Variants in SLC44A1 observed in about 807,000 individuals in gnomAD.
SLC44A1 encodes the protein solute carrier family 44 member 1.
A neutral mutation model predicts 79.3 loss-of-function variants in SLC44A1; 26 were observed. That is an observed-to-expected ratio of 0.33 (90% CI 0.24 to 0.46). The LOEUF (loss-of-function observed/expected upper bound fraction) is 0.46, where lower values mean the gene tolerates loss of function less well. Ranked by LOEUF, SLC44A1 falls within the 20% of genes least tolerant of loss-of-function variation. The pLI is 1.00. For missense variants in SLC44A1, 688 were observed against 798.1 expected (o/e 0.86, Z 1.66); for synonymous variants, 263 against 286.2 (o/e 0.92, Z 0.82).
At chr9:105,364,904 G>A (rs773927594) in intron 10 of SLC44A1, among the ~76,000 whole-genome samples, 184 bp downstream of exon 10, 3 of 152,116 alleles carry the variant, frequency 2.0e-5, no homozygotes, top group Admixed American at 6.5e-5. Context: ...ATGAGAGATT[G>A]TTGTTTTATT....
chr9:105,348,931 A>G (rs1167596172), intron 5 of SLC44A1, among the ~76,000 whole-genome samples: 1 of 152,132 alleles, frequency 6.6e-6, no homozygotes, highest in African/African-American at 2.4e-5. Context: ...CATTCTCTGT[A>G]TTAGGTTGTT....
In SLC44A1 at chr9:105,392,173, G is replaced by A; in HGVS notation, c.*3117G>A. On this transcript the variant is annotated 3_prime_UTR_variant, in exon 16 of 16. Coordinates refer to ENST00000374720, the MANE Select transcript of SLC44A1 (RefSeq NM_080546.5). ...CTTGCATGGATGAGCAGAGCTCAAA[G>A]CCAGTTGTTCCTTTAAAGCATTTAA... is the stretch of plus-strand genomic sequence containing the variant. The A allele has an allele frequency of 1.0e-6, 1 of 985,174 alleles. No homozygotes were observed. The highest frequency in any genetic ancestry group is 1.2e-6 in the Non-Finnish European group (1 of 829,698). The allele number at this position is 985,174 out of a possible 1,614,324, so 61.0% of individuals were successfully genotyped here. A position where few individuals can be genotyped will look rare whatever the true frequency, so the allele number is the denominator to read the frequency against.
At chr9:105,337,020 T>C (rs576796320) in intron 4 of SLC44A1, among the ~76,000 whole-genome samples, 4 of 152,326 alleles carry the variant, frequency 2.6e-5, no homozygotes, top group African/African-American at 4.8e-5. Flanking sequence ...TGGTAGGTAC[T>C]TGAATAAAGA....
intron 5 of SLC44A1, among the ~76,000 whole-genome samples, chr9:105,351,654 G>GAAAGAA (rs1827446515): frequency 6.7e-6 from 1 of 149,274 alleles, no homozygotes; most frequent in African/African-American, 2.5e-5. Flanking sequence ...AAGAAAGAAA[G>GAAAGAA]AAAGAAAGAA....
chr9:105,326,054 T>C (rs1186544532), intron 3 of SLC44A1, among the ~76,000 whole-genome samples: 2 of 152,152 alleles, frequency 1.3e-5, no homozygotes, highest in Admixed American at 6.5e-5. Context: ...AAGTAGAAAA[T>C]TGTTTTTTTA....
At chr9:105,277,310 G>GAATA (rs1830229338) in intron 1 of SLC44A1, among the ~76,000 whole-genome samples, 1 of 152,196 alleles carries the variant, frequency 6.6e-6, no homozygotes, top group Non-Finnish European at 1.5e-5. Context: ...CTCATCTCTT[G>GAATA]AATACACTTC....
intron 15 of SLC44A1, among the ~76,000 whole-genome samples, chr9:105,425,324 A>C (rs556034113): frequency 6.6e-6 from 1 of 152,254 alleles, no homozygotes; most frequent in African/African-American, 2.4e-5. Context: ...AGGGGGAAAC[A>C]GGTATTAACC....
rs892135278 is a variant in SLC44A1 at position 105,393,738 on chromosome 9, C to G, written c.*4682C>G. The G allele has an allele frequency of 1.3e-5, 13 of 984,912 alleles. No homozygotes were observed. The Middle Eastern group carries it at 1.6e-3, about 119-fold the overall frequency. 61.0% of individuals were successfully genotyped at this position (984,912 alleles called of 1,614,324 possible). On this transcript the variant is annotated 3_prime_UTR_variant, in exon 16 of 16. Transcript: ENST00000374720. ...GTAAATTATATGGACAGAATGTGTT[C>G]TAAGGAAATTCGTTAGTAAATTTGT...
chr9:105,339,166 A>G (rs1362116657), intron 4 of SLC44A1, among the ~76,000 whole-genome samples: 4 of 152,230 alleles, frequency 2.6e-5, no homozygotes, highest in African/African-American at 7.2e-5. Flanking sequence ...GTCAACCCAT[A>G]GAAGATATTT....
chr9:105,424,031 AG>A (rs1400957699), intron 15 of SLC44A1, among the ~76,000 whole-genome samples: 1 of 152,208 alleles, frequency 6.6e-6, no homozygotes, highest in African/African-American at 2.4e-5. Flanking sequence ...ATAATAATAT[AG>A]GGCTGCATAC....
chr9:105,257,412 G>C (rs1564399907), intron 1 of SLC44A1, among the ~76,000 whole-genome samples: 1 of 151,912 alleles, frequency 6.6e-6, no homozygotes, highest in Non-Finnish European at 1.5e-5. Flanking sequence ...TTTTTGTAGA[G>C]ACGAGGTCTT....
downstream of SLC44A1, among the ~76,000 whole-genome samples, chr9:105,401,494 T>C (rs573844809): frequency 2.6e-4 from 39 of 152,288 alleles, no homozygotes; most frequent in African/African-American, 8.9e-4. Flanking sequence ...GGCTTTCAAT[T>C]TGAAAACAAA....
Position 105,309,769 on chromosome 9 carries a change from C to G in SLC44A1, c.172C>G (p.Leu58Val), listed in dbSNP as rs1831128263. The G allele has an allele frequency of 1.2e-6, 2 of 1,613,806 alleles. No homozygotes were observed. The highest frequency in any genetic ancestry group is 2.2e-5 in the East Asian group (1 of 44,874). The change falls in exon 3 of 16, where the codon CTA becomes GTA. Residue 58 changes from leucine (L) to valine (V), a missense_variant. Transcript: ENST00000374720. ...FSIATGAAAR[L>V]VSGYDSYGNI... The stretch of plus-strand genomic sequence containing the variant: ...AATAGCAACAGGTGCAGCAGCAAGA[C>G]TAGTGTCAGGATACGACAGCTATGG...
intron 3 of SLC44A1, among the ~76,000 whole-genome samples, chr9:105,313,238 ATTATAC>A (rs1831228547): frequency 6.6e-6 from 1 of 152,220 alleles, no homozygotes; most frequent in Non-Finnish European, 1.5e-5. Context: ...ACGTCCCTAT[ATTATAC>A]TTGTTATTCT....
intron 1 of SLC44A1, 54 bp downstream of exon 1, chr9:105,244,958 TCGCGCGGCGGG>T: frequency 1.0e-6 from 1 of 984,212 alleles, no homozygotes; most frequent in Non-Finnish European, 1.3e-6. Flanking sequence ...GTGCGCCGCG[TCGCGCGGCGGG>T]CGCCCGCCGC....
Position 105,393,953 on chromosome 9 carries a change from T to C in SLC44A1, c.*4897T>C. 2.0e-6 allele frequency: 2 copies of C among 984,248 alleles called. No homozygotes were observed. The highest frequency in any genetic ancestry group is 1.2e-6 in the Non-Finnish European group (1 of 828,832). 61.0% of individuals were successfully genotyped at this position (984,248 alleles called of 1,614,324 possible). On this transcript the variant is annotated 3_prime_UTR_variant, in exon 16 of 16. Coordinates refer to ENST00000374720, the MANE Select transcript of SLC44A1 (RefSeq NM_080546.5). ...AAATGTCTCAGAAATTTCTCACTTT[T>C]ATTTGCTAAGACCTGAATTTAATAT...
chr9:105,353,527 G>A (rs1173396034), intron 5 of SLC44A1, among the ~76,000 whole-genome samples: 2 of 152,122 alleles, frequency 1.3e-5, no homozygotes, highest in African/African-American at 4.8e-5. Context: ...ATGATGATCT[G>A]AAGAGACTTA....
intron 4 of SLC44A1, among the ~76,000 whole-genome samples, chr9:105,337,394 A>G (rs1401559756): frequency 1.3e-5 from 2 of 152,200 alleles, no homozygotes; most frequent in African/African-American, 4.8e-5. Flanking sequence ...AGGACTTGAT[A>G]CATGAACAAT....
chr9:105,398,725 T>C (rs2131496535), downstream of SLC44A1, among the ~76,000 whole-genome samples: 1 of 152,292 alleles, frequency 6.6e-6, no homozygotes, highest in East Asian at 1.9e-4. Context: ...TCAAAACTCT[T>C]ACACATGTTG....
Sources: allele counts gnomAD v4.1 joint callset (sites outside exome capture counted in the v4.1 genomes callset), GRCh38; gene constraint gnomAD v4.1.1; transcripts MANE v1.5; gene names NCBI Gene and HGNC (gene_info 2026-07-23, HGNC 2026-07-21).